Variants in ZNF805 observed in about 807,000 individuals in gnomAD.
ZNF805 encodes the protein CTC-444N24.8.
In ZNF805, 7 loss-of-function variants were observed where a neutral mutation model predicts 13.6. That is an observed-to-expected ratio of 0.51 (90% CI 0.29 to 0.97). The LOEUF (loss-of-function observed/expected upper bound fraction) is 0.97, where lower values mean the gene tolerates loss of function less well. Among genes scored for constraint, ZNF805 ranks in the 50% least tolerant of loss-of-function variants. The probability of loss-of-function intolerance (pLI) is 0.08; values close to 1 mark genes in which losing one functional copy is unlikely to be tolerated. For missense variants in ZNF805, 604 were observed against 771.0 expected, an observed-to-expected ratio of 0.78 and a Z score of 2.57; for synonymous variants, 293 against 279.8, an observed-to-expected ratio of 1.05 and a Z score of -0.47.
rs752398187 is a variant in ZNF805, at chr19:57,253,183, T to C, written c.364T>C (p.Leu122=). The change falls in exon 4 of 4, where the codon TTG becomes CTG. Residue 122 remains leucine, a synonymous_variant. Transcript: ENST00000414468. The surrounding 1 kb of genome is among the most constrained non-coding windows in gnomAD (Gnocchi z 4.4). ...ACAAGGAGCTTCAGGGGACTCCCAG[T>C]TGGGGCAACCCAAGGATCAGGATGG... The part of the protein sequence containing the change: ...LTQGASGDSQ[L]GQPKDQDGFS... The C allele has an allele frequency of 5.1e-6, 8 of 1,560,510 alleles. No homozygotes were observed. Among genetic ancestry groups the C allele is most frequent in the South Asian group, 1.2e-5 (1 of 84,400 alleles).
chr19:57,245,568 A>G (rs889257238), intron 2 of ZNF805, among the ~76,000 whole-genome samples: 1 of 150,044 alleles, frequency 6.7e-6, no homozygotes, highest in African/African-American at 2.5e-5. Context: ...TCACAAGGTC[A>G]GGAGATAGAG....
In ZNF805 at chr19:57,253,950, G is replaced by A. The variant is rs202123738; in HGVS notation, c.1131G>A (p.Gly377=). 3.7e-6 allele frequency: 6 copies of A among 1,612,706 alleles called. No individual in the cohort carries two copies. In the East Asian group the frequency reaches 1.1e-4, roughly 30 times the overall value. Residue 377 remains glycine (G), a synonymous_variant, in exon 4 of 4, where the codon GGG becomes GGA. Coordinates refer to ENST00000414468, the MANE Select transcript of ZNF805 (RefSeq NM_001023563.4). The surrounding 1 kb of genome is among the most constrained non-coding windows in gnomAD (Gnocchi z 4.4). ...GEKPYECSEC[G]KAFCESAALI... ...AGCCCTATGAGTGCAGTGAATGTGG[G>A]AAGGCCTTCTGTGAGAGCGCAGCGC...
chr19:57,260,833 C>T lies in ZNF805; in HGVS notation c.*6130C>T, dbSNP rs1165539887. 1.3e-5 allele frequency among the ~76,000 whole-genome samples: 2 copies of T among 152,192 alleles called. No individual in the cohort carries two copies. Among genetic ancestry groups the T allele is most frequent in the African/African-American group, 2.4e-5 (1 of 41,434 alleles). On this transcript the variant is annotated 3_prime_UTR_variant, in exon 4 of 4. Transcript: ENST00000414468. The stretch of plus-strand genomic sequence containing the variant: ...AGCCTATATGCATGTATCATGTGGC[C>T]ATGACCTTGGCCGTGGGGATGCACC...
At chr19:57,245,529 C>T (rs1025602541) in intron 2 of ZNF805, among the ~76,000 whole-genome samples, 1 of 151,876 alleles carries the variant, frequency 6.6e-6, no homozygotes, top group Non-Finnish European at 1.5e-5. Flanking sequence ...CCTGTAATCC[C>T]AGCACTTTGG....
In ZNF805 at chr19:57,244,055, G is replaced by A; in HGVS notation, c.157+6G>A. On this transcript the variant is annotated splice_donor_region_variant and intron_variant, in intron 2 of 3. Transcript: ENST00000414468. ...TGGGCTCCTGGTATCTCTGGGTAAG[G>A]CCTTCCCCCTCCACCATGCAGGGGA... 6.2e-7 allele frequency: 1 copy of A among 1,613,002 alleles called. No individual in the cohort carries two copies. The highest frequency in any genetic ancestry group is 8.5e-7 in the Non-Finnish European group (1 of 1,179,378).
In ZNF805 at chr19:57,256,696, T is replaced by C. The variant is rs952921203; in HGVS notation, c.*1993T>C. On this transcript the variant is annotated 3_prime_UTR_variant, in exon 4 of 4. Coordinates refer to ENST00000414468, the MANE Select transcript of ZNF805 (RefSeq NM_001023563.4). ...CTTGATATTGGAAATGTATCACTTATTATTGTCAGTCTTTGTAGACATATG... is the reference window on the plus strand; with the variant it reads ...CTTGATATTGGAAATGTATCACTTACTATTGTCAGTCTTTGTAGACATATG... Among the ~76,000 whole-genome samples the C allele has an allele frequency of 2.0e-5, 3 of 152,170 alleles. No individual in the cohort carries two copies. Among genetic ancestry groups the C allele is most frequent in the Non-Finnish European group, 2.9e-5 (2 of 67,992 alleles).
At position 57,258,815 on chromosome 19, in the gene ZNF805, A is replaced by G. The variant is rs991292217; in HGVS notation, c.*4112A>G. Among the ~76,000 whole-genome samples, 1 of 152,172 alleles carries G rather than the reference A, an allele frequency of 6.6e-6. No homozygotes were observed. The highest frequency in any genetic ancestry group is 2.4e-5 in the African/African-American group (1 of 41,444). On this transcript the variant is annotated 3_prime_UTR_variant, in exon 4 of 4. Transcript: ENST00000414468. ...TTCTTGAAATTCTAAGCCACCTTCTATTAACATTTTCTTTCTGTTTGGCGA... is the reference window on the plus strand; with the variant it reads ...TTCTTGAAATTCTAAGCCACCTTCTGTTAACATTTTCTTTCTGTTTGGCGA...
At chr19:57,247,423 G>A (rs1474968822) in intron 2 of ZNF805, among the ~76,000 whole-genome samples, 8 of 152,170 alleles carry the variant, frequency 5.3e-5, no homozygotes, top group East Asian at 3.9e-4. Context: ...AAGCCAGAAC[G>A]CTGGTGTCCA....
At chr19:57,252,111 C>T (rs1372006657) in intron 3 of ZNF805, among the ~76,000 whole-genome samples, 1 of 152,222 alleles carries the variant, frequency 6.6e-6, no homozygotes, top group African/African-American at 2.4e-5. Context: ...CCACCACCCT[C>T]TCATGCACTG....
Position 57,254,498 on chromosome 19 carries a change from T to C in ZNF805, c.1679T>C (p.Met560Thr), listed in dbSNP as rs2087674707. The change falls in exon 4 of 4, where the codon ATG (methionine) becomes ACG (threonine). Residue 560 changes from methionine (M) to threonine (T), a missense_variant. Physicochemically the swap from Met to Thr is moderately conservative, Grantham distance 81. Around this residue, in one of 3 missense-constraint regions of ZNF805, gnomAD observed 228 missense variants for 352.8 expected, o/e 0.65. Transcript: ENST00000414468. Reference sequence around the variant, plus strand: ...TCGTCCCTCACTCAGCATCAAAGGATGCATACTGGGAGAAATCCTATCAGT... The same window carrying C: ...TCGTCCCTCACTCAGCATCAAAGGACGCATACTGGGAGAAATCCTATCAGT... The part of the protein sequence containing the change: ...RSSSLTQHQR[M>T]HTGRNPISVT... 6.2e-7 allele frequency: 1 copy of C among 1,614,228 alleles called. No homozygotes were observed. The highest frequency in any genetic ancestry group is 1.1e-5 in the South Asian group (1 of 91,086).
intron 3 of ZNF805, among the ~76,000 whole-genome samples, chr19:57,252,325 A>G (rs932982253): frequency 6.6e-6 from 1 of 152,140 alleles, no homozygotes; most frequent in African/African-American, 2.4e-5. Context: ...TCCAACTGCA[A>G]ATTCAGGGAT....
At position 57,241,633 on chromosome 19, in the gene ZNF805, G is replaced by C. The variant is rs148522272; in HGVS notation, c.30+712G>C. On this transcript the variant is annotated intron_variant, in intron 1 of 3. Transcript: ENST00000414468. ...TCCTTCCTTTCCTCCCTGGCTCAGC[G>C]CTTCAGACACAGGTCCACTATGGCT... Among the ~76,000 whole-genome samples, 192 of 146,046 alleles carry C rather than the reference G, an allele frequency of 1.3e-3. 9 individuals carry two copies. Among genetic ancestry groups the C allele is most frequent in the East Asian group, 2.6e-3 (13 of 5,038 alleles).
rs1331946159 is a variant in ZNF805 at position 57,253,912 on chromosome 19, C to T, written c.1093C>T (p.His365Tyr). 2 of 1,614,248 alleles carry T rather than the reference C, an allele frequency of 1.2e-6. No homozygotes were observed. Among genetic ancestry groups the T allele is most frequent in the Non-Finnish European group, 8.5e-7 (1 of 1,180,054 alleles). ...RSYLMWHQQT[H>Y]TGEKPYECSE... ...ATACCTCATGTGGCACCAGCAGACTCATACCGGGGAGAAGCCCTATGAGTG... is the reference window on the plus strand; with the variant it reads ...ATACCTCATGTGGCACCAGCAGACTTATACCGGGGAGAAGCCCTATGAGTG... Residue 365 changes from histidine (H) to tyrosine (Y), a missense_variant, in exon 4 of 4, where the codon CAT (histidine) becomes TAT (tyrosine). Around this residue, in one of 3 missense-constraint regions of ZNF805, gnomAD observed 228 missense variants for 352.8 expected, o/e 0.65. Transcript: ENST00000414468. The surrounding 1 kb of genome is among the most constrained non-coding windows in gnomAD (Gnocchi z 4.4).
Position 57,261,289 on chromosome 19 carries a change from A to C in ZNF805, c.*6586A>C, listed in dbSNP as rs2087722292. The C allele has an allele frequency of 6.0e-6, 1 of 167,086 alleles. No homozygotes were observed. The highest frequency in any genetic ancestry group is 2.1e-4 in the South Asian group (1 of 4,828). 10.4% of individuals were successfully genotyped at this position (167,086 alleles called of 1,614,324 possible). ...CCTGCATAAGCTATTGTGACTGTAG[A>C]AAAGACGGAGAATGTCTGGGTTTGA... On this transcript the variant is annotated 3_prime_UTR_variant, in exon 4 of 4. Transcript: ENST00000414468.
intron 2 of ZNF805, among the ~76,000 whole-genome samples, chr19:57,244,425 G>C (rs2087599041): frequency 6.6e-6 from 1 of 151,762 alleles, no homozygotes; most frequent in Non-Finnish European, 1.5e-5. Context: ...TGGCCAGGCT[G>C]GTCTCAAACT....
chr19:57,246,476 G>C (rs1371673022), intron 2 of ZNF805, among the ~76,000 whole-genome samples: 1 of 152,092 alleles, frequency 6.6e-6, no homozygotes, highest in Non-Finnish European at 1.5e-5. Flanking sequence ...ATAAAAAGTG[G>C]ATCACTTTTA....
At position 57,261,576 on chromosome 19, in the gene ZNF805, A is replaced by T. The variant is rs1219208253; in HGVS notation, c.*6873A>T. ...GGCCATACACAGCAGGGTATTTTTT[A>T]TTATTATTTTCAGTTCCCTCAGCGC... On this transcript the variant is annotated 3_prime_UTR_variant, in exon 4 of 4. Coordinates refer to ENST00000414468, the MANE Select transcript of ZNF805 (RefSeq NM_001023563.4). The T allele has an allele frequency of 1.2e-5, 2 of 166,850 alleles. No homozygotes were observed. The highest frequency in any genetic ancestry group is 1.9e-4 in the East Asian group (1 of 5,188). 10.3% of individuals were successfully genotyped at this position (166,850 alleles called of 1,614,324 possible). A position where few individuals can be genotyped will look rare whatever the true frequency, so the allele number is the denominator to read the frequency against.
At position 57,257,386 on chromosome 19, in the gene ZNF805, C is replaced by CGAATA. The variant is rs1409003827; in HGVS notation, c.*2683_*2684insGAATA. The stretch of plus-strand genomic sequence containing the variant: ...AGCTATAATTGTGGAATTACCTATT[C>CGAATA]CTCCTTTAAGTTCTATCAGTTTTTG... On this transcript the variant is annotated 3_prime_UTR_variant, in exon 4 of 4. Transcript: ENST00000414468. Among the ~76,000 whole-genome samples, 4 of 152,050 alleles carry CGAATA rather than the reference C, an allele frequency of 2.6e-5. No homozygotes were observed. Among genetic ancestry groups the CGAATA allele is most frequent in the Non-Finnish European group, 5.9e-5 (4 of 68,002 alleles).
intron 3 of ZNF805, among the ~76,000 whole-genome samples, chr19:57,249,416 CAAAA>C (rs1304090856): frequency 1.3e-5 from 2 of 151,980 alleles, no homozygotes; most frequent in African/African-American, 2.4e-5. Context: ...TTATAAAAAA[CAAAA>C]AAGAAAAACA....
Sources: allele counts gnomAD v4.1 joint callset (sites outside exome capture counted in the v4.1 genomes callset), GRCh38; gene constraint gnomAD v4.1.1; regional missense constraint gnomAD v4.1.1; non-coding constraint Gnocchi (gnomAD v3.1); transcripts MANE v1.5; gene names NCBI Gene and HGNC (gene_info 2026-07-23, HGNC 2026-07-21).